The following TBC1D13 variants were observed in gnomAD, a reference collection of about 807,000 sequenced individuals.
TBC1D13 encodes epididymis secretory sperm binding protein.
In TBC1D13, 40 loss-of-function variants were observed where a neutral mutation model predicts 53.6. The ratio of observed to expected loss-of-function variants is 0.75; its 90% confidence interval spans 0.58 to 0.97. The LOEUF is 0.97. Among genes scored for constraint, TBC1D13 ranks in the 50% least tolerant of loss-of-function variants. The pLI, the probability that TBC1D13 is intolerant of heterozygous loss-of-function variation, is 0.00. For synonymous variants in TBC1D13, 182 were observed against 197.7 expected (o/e 0.92, Z 0.67); for missense variants, 377 against 499.4 (o/e 0.75, Z 2.34).
chr9:128,808,359 C>A lies in TBC1D13; in HGVS notation c.*480C>A. The A allele has an allele frequency of 4.7e-6, 1 of 212,456 alleles. No homozygotes were observed. The highest frequency in any genetic ancestry group is 9.6e-6 in the Non-Finnish European group (1 of 103,632). 13.2% of individuals were successfully genotyped at this position (212,456 alleles called of 1,614,324 possible). A position where few individuals can be genotyped will look rare whatever the true frequency, so the allele number is the denominator to read the frequency against. On this transcript the variant is annotated 3_prime_UTR_variant, in exon 12 of 12. Transcript: ENST00000372648. Reference sequence around the variant, plus strand: ...TGCCGTCTGTCTCACCCACAGATGTCTGTAGTCGGTCGGTGTGAATGTGGG... The same window carrying A: ...TGCCGTCTGTCTCACCCACAGATGTATGTAGTCGGTCGGTGTGAATGTGGG...
chr9:128,802,737 A>AT (rs34161473), intron 7 of TBC1D13, among the ~76,000 whole-genome samples: 4,897 of 137,392 alleles, frequency 0.036, 121 homozygotes, highest in Non-Finnish European at 0.056. Flanking sequence ...CACATTGTCC[A>AT]TTTTTTTTTT....
chr9:128,795,437 CTTTTTTTTTTTTTTTTTTTTTTTTT>C (rs539392878), intron 6 of TBC1D13, among the ~76,000 whole-genome samples: 84 of 57,826 alleles, frequency 1.5e-3, no homozygotes, highest in African/African-American at 5.8e-3. Flanking sequence ...TGGTCACCAT[CTTTTTTTTTTTTTTTTTTTTTTTTT>C]TTTTTTTTTT....
intron 6 of TBC1D13, 96 bp from the exon 7 acceptor site, chr9:128,796,959 A>G (rs533382019): frequency 3.7e-4 from 509 of 1,393,386 alleles, no homozygotes; most frequent in Middle Eastern, 1.7e-3. Flanking sequence ...AAAACAAAAA[A>G]CAATGCTTTT....
At chr9:128,796,464 T>C (rs1211045438) in intron 6 of TBC1D13, among the ~76,000 whole-genome samples, 1 of 152,004 alleles carries the variant, frequency 6.6e-6, no homozygotes, top group East Asian at 1.9e-4. Flanking sequence ...TTGGTCAGGC[T>C]GGTCTCAAAC....
At position 128,803,261 on chromosome 9, in the gene TBC1D13, A is replaced by T; in HGVS notation, c.555A>T (p.Pro185=). 1 of 1,614,074 alleles carries T rather than the reference A, an allele frequency of 6.2e-7. No homozygotes were observed. Among genetic ancestry groups the T allele is most frequent in the Non-Finnish European group, 8.5e-7 (1 of 1,179,994 alleles). ...CTCTTCTCCTCCAGATGAGCTCCCC[A>T]CACAAGAACTCTGTGCCATCATCCC... The part of the protein sequence containing the change: ...NRSGVTNMSS[P]HKNSVPSSLN... The change falls in exon 8 of 12, where the codon CCA becomes CCT. Residue 185 remains proline, a synonymous_variant. Coordinates refer to ENST00000372648, the MANE Select transcript of TBC1D13 (RefSeq NM_018201.5).
intron 6 of TBC1D13, among the ~76,000 whole-genome samples, chr9:128,794,711 G>A (rs1829597346): frequency 6.6e-6 from 1 of 151,438 alleles, no homozygotes; most frequent in Non-Finnish European, 1.5e-5. Flanking sequence ...CTGACCTCAA[G>A]TGATCCACCC....
chr9:128,793,670 A>G (rs962827141), intron 6 of TBC1D13, among the ~76,000 whole-genome samples: 1 of 152,202 alleles, frequency 6.6e-6, no homozygotes, highest in Non-Finnish European at 1.5e-5. Flanking sequence ...TCAGATCTCC[A>G]TCAGAGAAGG....
At chr9:128,805,759 G>A in intron 9 of TBC1D13, 100 bp from the exon 10 acceptor site, 1 of 1,335,530 alleles carries the variant, frequency 7.5e-7, no homozygotes, top group East Asian at 2.5e-5. Context: ...GGCATGCTGG[G>A]CCCTGCTGTT....
At chr9:128,798,842 C>A (rs1829682194) in intron 7 of TBC1D13, among the ~76,000 whole-genome samples, 1 of 152,170 alleles carries the variant, frequency 6.6e-6, no homozygotes, top group African/African-American at 2.4e-5. Context: ...AAGTTTTTCT[C>A]CCCCTGGGGA....
At position 128,787,272 on chromosome 9, in the gene TBC1D13, T is replaced by G; in HGVS notation, c.-82T>G. On this transcript the variant is annotated 5_prime_UTR_variant, in exon 1 of 12. Coordinates refer to ENST00000372648, the MANE Select transcript of TBC1D13 (RefSeq NM_018201.5). The stretch of plus-strand genomic sequence containing the variant: ...GCTTTTGCGCAGAGCCCCGCGTCCC[T>G]GGGGGGCGGCGGCGGCGGCGGCAGC... The G allele has an allele frequency of 8.1e-7, 1 of 1,236,334 alleles. No homozygotes were observed. Among genetic ancestry groups the G allele is most frequent in the Non-Finnish European group, 1.0e-6 (1 of 977,874 alleles). The allele number at this position is 1,236,334 out of a possible 1,614,324, so 76.6% of individuals were successfully genotyped here. A position where few individuals can be genotyped will look rare whatever the true frequency, so the allele number is the denominator to read the frequency against.
At chr9:128,798,151 G>A (rs1028874344) in intron 7 of TBC1D13, among the ~76,000 whole-genome samples, 2 of 152,168 alleles carry the variant, frequency 1.3e-5, no homozygotes, top group Non-Finnish European at 2.9e-5. Context: ...TACCCGGGAG[G>A]CTTAGGCAGT....
chr9:128,803,848 G>A, intron 8 of TBC1D13, 108 bp from the exon 9 acceptor site: 1 of 1,445,674 alleles, frequency 6.9e-7, no homozygotes, highest in Non-Finnish European at 9.4e-7. Context: ...GCCAGACCAT[G>A]AGGATGGGGC....
rs1829440209 is a variant in TBC1D13, at chr9:128,787,387, A to T, written c.23+11A>T. 1.6e-6 allele frequency: 2 copies of T among 1,258,942 alleles called. No individual in the cohort carries two copies. Among genetic ancestry groups the T allele is most frequent in the Admixed American group, 4.0e-5 (1 of 24,928 alleles). 78.0% of individuals were successfully genotyped at this position (1,258,942 alleles called of 1,614,324 possible). ...TCTGCACAAGAGCCGGTAAGGGGCC[A>T]TGGGGCCTGACCCGGCTGGGCCACT... On this transcript the variant is annotated intron_variant, in intron 1 of 11. Transcript: ENST00000372648.
chr9:128,803,022 A>G (rs2132549715), intron 7 of TBC1D13, among the ~76,000 whole-genome samples: 1 of 152,146 alleles, frequency 6.6e-6, no homozygotes, highest in South Asian at 2.1e-4. Flanking sequence ...GGCATGAGCT[A>G]TTGTGGCCCG....
chr9:128,806,453 G>C (rs1257239579), intron 11 of TBC1D13, 142 bp downstream of exon 11: 5 of 966,988 alleles, frequency 5.2e-6, no homozygotes, highest in Non-Finnish European at 7.9e-6. Context: ...GAGCAGATCT[G>C]GTTTGGATCT....
chr9:128,808,243 A>C lies in TBC1D13; in HGVS notation c.*364A>C, dbSNP rs530475219. On this transcript the variant is annotated 3_prime_UTR_variant, in exon 12 of 12. Transcript: ENST00000372648. ...TCTGGTCTTCTCCTGGGCTCCACTC[A>C]GGGGAGGTGCTTGGCCAATGGGCCA... The C allele has an allele frequency of 9.8e-5, 28 of 284,398 alleles. No homozygotes were observed. In the South Asian group the frequency reaches 1.3e-3, roughly 13 times the overall value. The allele number at this position is 284,398 out of a possible 1,614,324, so 17.6% of individuals were successfully genotyped here.
chr9:128,799,557 G>A (rs972704805), intron 7 of TBC1D13, among the ~76,000 whole-genome samples: 7 of 152,326 alleles, frequency 4.6e-5, no homozygotes, highest in Middle Eastern at 3.4e-3. Flanking sequence ...TTGGGAGTCA[G>A]CCAGTTCAGG....
intron 11 of TBC1D13, among the ~76,000 whole-genome samples, chr9:128,807,017 A>C (rs1829847407): frequency 6.6e-6 from 1 of 150,880 alleles, no homozygotes; most frequent in Non-Finnish European, 1.5e-5. Context: ...TCATCATGTG[A>C]CCCAAGCCAA....
chr9:128,808,614 T>C lies in TBC1D13; in HGVS notation c.*735T>C, dbSNP rs908280658. On this transcript the variant is annotated 3_prime_UTR_variant, in exon 12 of 12. Coordinates refer to ENST00000372648, the MANE Select transcript of TBC1D13 (RefSeq NM_018201.5). ...CTCTCCCTGCCCTTCTCTGTTGGGG[T>C]GCCTTATCCTGAGCCACCTCCTCTC... is the stretch of plus-strand genomic sequence containing the variant. The C allele has an allele frequency of 1.3e-5, 2 of 152,694 alleles. No homozygotes were observed. The highest frequency in any genetic ancestry group is 4.8e-5 in the African/African-American group (2 of 41,398). 9.5% of individuals were successfully genotyped at this position (152,694 alleles called of 1,614,324 possible). A position where few individuals can be genotyped will look rare whatever the true frequency, so the allele number is the denominator to read the frequency against.
Sources: gnomAD v4.1 joint callset for allele counts (sites outside exome capture counted in the v4.1 genomes callset) on GRCh38, gnomAD v4.1.1 for gene constraint, MANE v1.5 for transcripts, NCBI Gene and HGNC (gene_info 2026-07-23, HGNC 2026-07-21) for gene names.